SPIRE1: variants seen among roughly 807,000 people sequenced by gnomAD.
SPIRE1 encodes spire type actin nucleation factor 1.
SPIRE1 carries 40 observed loss-of-function variants against 94.1 expected under a neutral mutation model. The ratio of observed to expected loss-of-function variants is 0.43; its 90% confidence interval spans 0.33 to 0.55. SPIRE1 has a LOEUF of 0.55. SPIRE1 is among the 20% of genes least tolerant of loss of function. SPIRE1 has a pLI of 0.06. For synonymous variants in SPIRE1, 376 were observed against 371.7 expected (o/e 1.01, Z -0.13); for missense variants, 838 against 975.2 (o/e 0.86, Z 1.87).
chr18:12,461,209 C>T (rs904669774), intron 12 of SPIRE1, among the ~76,000 whole-genome samples: 1 of 152,110 alleles, frequency 6.6e-6, no homozygotes, highest in African/African-American at 2.4e-5. Context: ...GCTGAAACTA[C>T]CTTGTAGCTA....
chr18:12,617,930 C>T (rs908623144), intron 2 of SPIRE1, among the ~76,000 whole-genome samples: 4 of 152,164 alleles, frequency 2.6e-5, no homozygotes, highest in Admixed American at 6.5e-5. Flanking sequence ...GTTGCCTATG[C>T]TTAGTACAGG....
At chr18:12,592,319 T>C (rs1254626585) in intron 2 of SPIRE1, among the ~76,000 whole-genome samples, 2 of 152,330 alleles carry the variant, frequency 1.3e-5, no homozygotes, top group African/African-American at 2.4e-5. Context: ...TACGATAATA[T>C]TAATATCTGT....
intron 2 of SPIRE1, among the ~76,000 whole-genome samples, chr18:12,604,637 A>G (rs1207402071): frequency 6.6e-6 from 1 of 152,124 alleles, no homozygotes; most frequent in Non-Finnish European, 1.5e-5. Flanking sequence ...ATATCTCTGC[A>G]TGACCACTAG....
intron 2 of SPIRE1, among the ~76,000 whole-genome samples, chr18:12,616,046 T>C (rs564304019): frequency 9.8e-5 from 15 of 152,286 alleles, no homozygotes; most frequent in African/African-American, 3.6e-4. Flanking sequence ...GTTTTTTTTT[T>C]CCAGGAATAG....
chr18:12,591,829 C>T (rs1373647070), intron 2 of SPIRE1, among the ~76,000 whole-genome samples: 1 of 151,674 alleles, frequency 6.6e-6, no homozygotes, highest in African/African-American at 2.4e-5. Context: ...ATTAGCTGGG[C>T]GTCATGGTGG....
chr18:12,496,112 G>A lies in SPIRE1; in HGVS notation c.973-10C>T. ...GAATATCACCATTCACCTAAAAGGAGACAAAAAGCAGAAGATTCATGTGAC... is the reference window on the plus strand; with the variant it reads ...GAATATCACCATTCACCTAAAAGGAAACAAAAAGCAGAAGATTCATGTGAC... On this transcript the variant is annotated splice_polypyrimidine_tract_variant and intron_variant, in intron 6 of 16. Coordinates refer to ENST00000409402, the MANE Select transcript of SPIRE1 (RefSeq NM_001128626.2). 1 of 1,594,222 alleles carries A rather than the reference G, an allele frequency of 6.3e-7. No individual in the cohort carries two copies. The highest frequency in any genetic ancestry group is 8.6e-7 in the Non-Finnish European group (1 of 1,162,248).
intron 10 of SPIRE1, among the ~76,000 whole-genome samples, chr18:12,475,415 C>A (rs1218636512): frequency 1.3e-5 from 2 of 151,826 alleles, no homozygotes; most frequent in Non-Finnish European, 2.9e-5. Flanking sequence ...AAATTATAAA[C>A]AACAGAAGGG....
chr18:12,470,429 G>A (rs2032307994), intron 10 of SPIRE1, among the ~76,000 whole-genome samples: 1 of 152,164 alleles, frequency 6.6e-6, no homozygotes, highest in African/African-American at 2.4e-5. Context: ...ATGGCCCACT[G>A]TCCCTGAATA....
chr18:12,614,893 A>C (rs1423507127), intron 2 of SPIRE1, among the ~76,000 whole-genome samples: 2 of 151,346 alleles, frequency 1.3e-5, no homozygotes, highest in Non-Finnish European at 2.9e-5. Flanking sequence ...TTCACATAAA[A>C]TCCAAAATTT....
At chr18:12,621,551 G>A (rs1288664847) in intron 2 of SPIRE1, among the ~76,000 whole-genome samples, 1 of 152,148 alleles carries the variant, frequency 6.6e-6, no homozygotes, top group Non-Finnish European at 1.5e-5. Flanking sequence ...AAGGAATAAA[G>A]TACTGATACA....
chr18:12,660,319 C>CT (rs1598598721), upstream of SPIRE1, among the ~76,000 whole-genome samples: 9 of 126,460 alleles, frequency 7.1e-5, 1 homozygote, highest in South Asian at 2.1e-3. Flanking sequence ...GAAAAAGATG[C>CT]ATTTTTTTTT....
At chr18:12,627,120 A>G (rs906921499) in intron 2 of SPIRE1, among the ~76,000 whole-genome samples, 8 of 151,916 alleles carry the variant, frequency 5.3e-5, no homozygotes, top group African/African-American at 1.9e-4. Flanking sequence ...CATGCGCACA[A>G]TGTGCAGGTT....
intron 9 of SPIRE1, 33 bp downstream of exon 9, chr18:12,485,926 C>A (rs555291747): frequency 1.3e-6 from 2 of 1,500,848 alleles, no homozygotes; most frequent in Middle Eastern, 1.7e-4. Context: ...ACAAAACCCA[C>A]GTCAGGTGTA....
chr18:12,548,155 G>A, intron 2 of SPIRE1, among the ~76,000 whole-genome samples: 1 of 152,096 alleles, frequency 6.6e-6, no homozygotes, highest in East Asian at 1.9e-4. Flanking sequence ...TTATTACAGG[G>A]ACTCAATAAT....
chr18:12,450,819 A>G, intron 16 of SPIRE1: 1 of 736,752 alleles, frequency 1.4e-6, no homozygotes, highest in South Asian at 1.4e-5. Flanking sequence ...ATGGCAAAAA[A>G]GCTGGGTGAG....
At chr18:12,502,161 C>T (rs1434838402) in intron 6 of SPIRE1, among the ~76,000 whole-genome samples, 1 of 152,042 alleles carries the variant, frequency 6.6e-6, no homozygotes, top group Non-Finnish European at 1.5e-5. Flanking sequence ...TCGAAAGGAA[C>T]CTATAATTCT....
chr18:12,654,545 G>A (rs1168725396), intron 1 of SPIRE1, among the ~76,000 whole-genome samples: 1 of 151,704 alleles, frequency 6.6e-6, no homozygotes, highest in African/African-American at 2.4e-5. Flanking sequence ...TACTCGGGAG[G>A]CTGAGGTAGG....
intron 12 of SPIRE1, among the ~76,000 whole-genome samples, chr18:12,458,991 A>G (rs564832939): frequency 1.1e-4 from 16 of 152,216 alleles, no homozygotes; most frequent in Non-Finnish European, 2.1e-4. Flanking sequence ...CCAAGGCTTT[A>G]GAGAGCCAGG....
intron 2 of SPIRE1, among the ~76,000 whole-genome samples, chr18:12,593,965 AT>A (rs373248868): frequency 4.8e-5 from 7 of 147,072 alleles, no homozygotes; most frequent in South Asian, 4.2e-4. Context: ...AAAAAAAAAA[AT>A]AAGAAGAAGA....
Sources: allele counts gnomAD v4.1 joint callset (sites outside exome capture counted in the v4.1 genomes callset), GRCh38; gene constraint gnomAD v4.1.1; transcripts MANE v1.5; gene names NCBI Gene and HGNC (gene_info 2026-07-23, HGNC 2026-07-21).